Variants in PCDH15 observed in about 807,000 individuals in gnomAD.
The protein encoded by PCDH15 is protocadherin-15.
In PCDH15, 129 loss-of-function variants were observed where a neutral mutation model predicts 178.5. The ratio of observed to expected loss-of-function variants is 0.72; its 90% CI spans 0.63 to 0.84. The LOEUF (loss-of-function observed/expected upper bound fraction) is 0.84. Among genes scored for constraint, PCDH15 ranks in the 40% least tolerant of loss-of-function variants. PCDH15 has a pLI of 0.00. For synonymous variants in PCDH15, 800 were observed against 732.0 expected (o/e 1.09, Z -1.50); for missense variants, 2,230 against 2,099.9 (o/e 1.06, Z -1.21).
intron 2 of PCDH15, among the ~76,000 whole-genome samples, chr10:55,462,122 G>A (rs1839692771): frequency 1.3e-5 from 2 of 151,994 alleles, no homozygotes; most frequent in African/African-American, 2.4e-5. Context: ...TAATTGATAA[G>A]TATAATGCAT....
rs553577969 is a variant in PCDH15 at position 55,311,233 on chromosome 10, G to A, written c.-156+8366C>T. ...GGTAATGCATGCTAAAGTCTACTTT[G>A]CTTTTAAAATTTTCAGATGGGACAG... On this transcript the variant is annotated intron_variant, in intron 1 of 5. Transcript: ENST00000458638. 2.8e-4 allele frequency among the ~76,000 whole-genome samples: 43 copies of A among 152,182 alleles called. No homozygotes were observed. In the South Asian group the frequency reaches 8.7e-3, roughly 31 times the overall value.
At chr10:55,114,863 T>G (rs1837592215) in intron 2 of PCDH15, among the ~76,000 whole-genome samples, 1 of 152,190 alleles carries the variant, frequency 6.6e-6, no homozygotes, top group Non-Finnish European at 1.5e-5. Flanking sequence ...TAATTCTGGG[T>G]GTCTGTCATT....
At chr10:54,755,627 T>A (rs1433883818) in intron 1 of PCDH15, among the ~76,000 whole-genome samples, 2 of 152,020 alleles carry the variant, frequency 1.3e-5, no homozygotes, top group African/African-American at 4.8e-5. Flanking sequence ...ATACTAGAGA[T>A]CTTTATGACA....
chr10:53,856,820 G>T (rs2078777735), intron 28 of PCDH15, among the ~76,000 whole-genome samples: 1 of 152,016 alleles, frequency 6.6e-6, no homozygotes, highest in Non-Finnish European at 1.5e-5. Context: ...ACATTGTAAT[G>T]ATTAAAATGA....
Position 54,747,547 on chromosome 10 carries a change from A to G in PCDH15, c.-29+53378T>C, listed in dbSNP as rs533232902. Among the ~76,000 whole-genome samples, 79 of 152,204 alleles carry G rather than the reference A, an allele frequency of 5.2e-4. 1 individual carries two copies. Among genetic ancestry groups the G allele is most frequent in the Non-Finnish European group, 1.0e-3 (71 of 68,042 alleles). On this transcript the variant is annotated intron_variant, in intron 1 of 37. Transcript: ENST00000644397. ...CATAACTACAGTTTTATAATAGAGG[A>G]AAATTTTAGTTAATCAAATTGTACC...
At chr10:55,504,467 T>C (rs1458680842) in intron 2 of PCDH15, among the ~76,000 whole-genome samples, 4 of 151,372 alleles carry the variant, frequency 2.6e-5, no homozygotes, top group Non-Finnish European at 5.9e-5. Flanking sequence ...GGTAAAGTGT[T>C]TAAAATAAAA....
chr10:53,935,646 C>G (rs372567253), intron 25 of PCDH15, among the ~76,000 whole-genome samples: 6 of 152,120 alleles, frequency 3.9e-5, no homozygotes, highest in African/African-American at 1.4e-4. Flanking sequence ...CCGACAGAGA[C>G]CATATGACCC....
chr10:53,880,637 A>G (rs980357943), intron 26 of PCDH15, among the ~76,000 whole-genome samples: 2 of 152,138 alleles, frequency 1.3e-5, no homozygotes, highest in Non-Finnish European at 1.5e-5. Flanking sequence ...TCATAGTAAA[A>G]GAGTATGTCG....
At chr10:54,074,395 G>C (rs2094301851) in intron 17 of PCDH15, among the ~76,000 whole-genome samples, 1 of 152,008 alleles carries the variant, frequency 6.6e-6, no homozygotes, top group Non-Finnish European at 1.5e-5. Context: ...TTGAGTCTTT[G>C]TGATTTTTGA....
At chr10:54,777,744 T>C (rs1410215222) in intron 1 of PCDH15, among the ~76,000 whole-genome samples, 1 of 152,198 alleles carries the variant, frequency 6.6e-6, no homozygotes, top group Non-Finnish European at 1.5e-5. Context: ...CTTTTGTACT[T>C]ATTTGAAGAA....
At chr10:54,803,681 T>C (rs564156428), upstream of PCDH15, among the ~76,000 whole-genome samples, 48 of 152,332 alleles carry the variant, frequency 3.2e-4, 1 homozygote, top group South Asian at 8.5e-3. Context: ...GTAAACTGTC[T>C]ACCACAAAGT....
upstream of PCDH15, among the ~76,000 whole-genome samples, chr10:55,322,988 T>A (rs139965826): frequency 4.6e-5 from 7 of 152,226 alleles, no homozygotes; most frequent in African/African-American, 1.7e-4. Context: ...TCCTGCTCTA[T>A]GCAGACTCCA....
intron 8 of PCDH15, among the ~76,000 whole-genome samples, chr10:54,274,744 G>A (rs2132576581): frequency 6.6e-6 from 1 of 151,168 alleles, no homozygotes; most frequent in East Asian, 1.9e-4. Flanking sequence ...TCATCATATT[G>A]ACAGATAAAG....
chr10:54,642,008 C>T (rs1420265470), intron 2 of PCDH15, among the ~76,000 whole-genome samples: 22 of 152,006 alleles, frequency 1.4e-4, no homozygotes, highest in Admixed American at 1.2e-3. Context: ...ATTCATATTG[C>T]TATAGTCTGA....
At chr10:55,413,433 T>C (rs1838395089) in intron 2 of PCDH15, among the ~76,000 whole-genome samples, 1 of 151,754 alleles carries the variant, frequency 6.6e-6, no homozygotes, top group Non-Finnish European at 1.5e-5. Flanking sequence ...TGCTTCTATG[T>C]TCCAAGTGTA....
At chr10:54,239,017 TA>T (rs1230217302) in intron 8 of PCDH15, among the ~76,000 whole-genome samples, 1 of 152,138 alleles carries the variant, frequency 6.6e-6, no homozygotes, top group African/African-American at 2.4e-5. Context: ...CTGCATCTCA[TA>T]GTCAGAAAAA....
intron 2 of PCDH15, among the ~76,000 whole-genome samples, chr10:55,336,149 A>C (rs1457160728): frequency 6.8e-6 from 1 of 146,762 alleles, no homozygotes; most frequent in Non-Finnish European, 1.5e-5. Context: ...AAAAAAAAAA[A>C]AAAAACAGTA....
At chr10:55,591,952 T>C (rs1842849818) in intron 2 of PCDH15, among the ~76,000 whole-genome samples, 1 of 152,202 alleles carries the variant, frequency 6.6e-6, no homozygotes, top group South Asian at 2.1e-4. Context: ...CTTGTTTTCA[T>C]AGACATTGAG....
At chr10:55,249,756 T>A (rs937714327) in intron 1 of PCDH15, among the ~76,000 whole-genome samples, 1 of 152,000 alleles carries the variant, frequency 6.6e-6, no homozygotes, top group East Asian at 1.9e-4. Context: ...ATAAATATTG[T>A]CATGTAATTA....
Sources: allele counts gnomAD v4.1 joint callset (sites outside exome capture counted in the v4.1 genomes callset), GRCh38; gene constraint gnomAD v4.1.1; transcripts MANE v1.5; gene names NCBI Gene and HGNC (gene_info 2026-07-23, HGNC 2026-07-21).